KCNU1: variants seen among roughly 807,000 people sequenced by gnomAD.
The protein encoded by KCNU1 is potassium calcium-activated channel subfamily U member 1.
In KCNU1, 93 loss-of-function variants were observed where a neutral mutation model predicts 126.8. The observed-to-expected ratio is 0.73, with a 90% CI of 0.62 to 0.87. KCNU1 has a LOEUF of 0.87. Ranked by LOEUF, KCNU1 falls within the 40% of genes least tolerant of loss-of-function variation. KCNU1 has a pLI of 0.00. For missense variants in KCNU1, 1,330 were observed against 1,367.1 expected (o/e 0.97, Z 0.43); for synonymous variants, 523 against 494.2 (o/e 1.06, Z -0.77).
rs764885775 is a variant in KCNU1, at chr8:36,935,619, T to C, written c.3149T>C (p.Phe1050Ser). 9 of 1,613,196 alleles carry C rather than the reference T, an allele frequency of 5.6e-6. No individual in the cohort carries two copies. The South Asian group carries it at 8.8e-5, about 16-fold the overall frequency. The change falls in exon 27 of 27, where the codon TTC (phenylalanine) becomes TCC (serine). Residue 1050 changes from phenylalanine to serine, a missense_variant. Transcript: ENST00000399881. ...GCTTGTTATAAAAGGAATGAAGAGT[T>C]CTCATTGCAAAAGTCATATGAAATT... Reference protein sequence around the residue: ...STACYKRNEEFSLQKSYEIVN... With the variant: ...STACYKRNEESSLQKSYEIVN...
chr8:36,821,908 T>C (rs902796664), intron 10 of KCNU1, among the ~76,000 whole-genome samples: 1 of 152,094 alleles, frequency 6.6e-6, no homozygotes, highest in East Asian at 1.9e-4. Flanking sequence ...ATCTTTGAGG[T>C]AGGCCAGGCT....
chr8:36,876,561 G>A (rs530665302), intron 19 of KCNU1, among the ~76,000 whole-genome samples: 1 of 152,202 alleles, frequency 6.6e-6, no homozygotes, highest in South Asian at 2.1e-4. Flanking sequence ...TGGAGGTAGG[G>A]CAGGGTAGGC....
chr8:36,851,574 T>C (rs1056955367), intron 18 of KCNU1, among the ~76,000 whole-genome samples: 6 of 152,142 alleles, frequency 3.9e-5, no homozygotes, highest in African/African-American at 1.4e-4. Flanking sequence ...AGTGTGAAAA[T>C]TGATTAATAC....
At chr8:36,851,846 C>G (rs961397035) in intron 18 of KCNU1, among the ~76,000 whole-genome samples, 6 of 152,072 alleles carry the variant, frequency 3.9e-5, no homozygotes, top group African/African-American at 1.4e-4. Context: ...TTAGTTCTAA[C>G]AGTTTTTTGA....
chr8:36,913,098 A>G (rs1807951759), intron 22 of KCNU1, among the ~76,000 whole-genome samples: 1 of 151,932 alleles, frequency 6.6e-6, no homozygotes, highest in African/African-American at 2.4e-5. Flanking sequence ...TATTACTATT[A>G]TTGAAATTTC....
At chr8:36,840,627 A>AC in intron 15 of KCNU1, 52 bp downstream of exon 15, 1 of 1,046,982 alleles carries the variant, frequency 9.6e-7, no homozygotes, top group Non-Finnish European at 1.5e-6. Flanking sequence ...CATTCTTTCA[A>AC]CAACGTTCAC....
chr8:36,803,453 G>T (rs1487667417), intron 2 of KCNU1, among the ~76,000 whole-genome samples: 1 of 151,836 alleles, frequency 6.6e-6, no homozygotes, highest in East Asian at 1.9e-4. Context: ...TGCATTCCCC[G>T]AGATACCCTA....
intron 18 of KCNU1, among the ~76,000 whole-genome samples, chr8:36,857,712 C>A (rs1805578645): frequency 6.6e-6 from 1 of 151,966 alleles, no homozygotes. Flanking sequence ...ATGGCTTGAT[C>A]TTGGCTCATT....
intron 19 of KCNU1, among the ~76,000 whole-genome samples, chr8:36,904,896 C>T (rs1563326989): frequency 6.6e-6 from 1 of 152,044 alleles, no homozygotes; most frequent in African/African-American, 2.4e-5. Context: ...TTGTGTCAGG[C>T]CCTGGGGATG....
chr8:36,855,739 C>T (rs574961010), intron 18 of KCNU1, among the ~76,000 whole-genome samples: 6 of 152,146 alleles, frequency 3.9e-5, no homozygotes, highest in African/African-American at 1.2e-4. Context: ...CGGCCTATCT[C>T]GTGTCCTTCC....
intron 18 of KCNU1, among the ~76,000 whole-genome samples, chr8:36,858,815 T>G (rs1306341051): frequency 6.6e-6 from 1 of 152,234 alleles, no homozygotes; most frequent in Admixed American, 6.5e-5. Context: ...ATGTATTTTA[T>G]GATATCTAGG....
At chr8:36,820,441 G>A (rs1020204696) in intron 10 of KCNU1, among the ~76,000 whole-genome samples, 1 of 151,986 alleles carries the variant, frequency 6.6e-6, no homozygotes. Flanking sequence ...GGGTGATGGA[G>A]GAAGAACAGC....
At chr8:36,908,141 C>T (rs747651775) in intron 20 of KCNU1, among the ~76,000 whole-genome samples, 5 of 152,106 alleles carry the variant, frequency 3.3e-5, no homozygotes, top group Non-Finnish European at 7.4e-5. Flanking sequence ...TAAGAGGAGA[C>T]ATTAGCCATA....
In KCNU1 at chr8:36,910,862, C is replaced by A. The variant is rs1012293952; in HGVS notation, c.2332-68C>A. The A allele has an allele frequency of 2.2e-5, 25 of 1,131,778 alleles. No individual in the cohort carries two copies. The African/African-American group carries it at 3.1e-4, about 14-fold the overall frequency. The allele number at this position is 1,131,778 out of a possible 1,614,324, so 70.1% of individuals were successfully genotyped here. A position where few individuals can be genotyped will look rare whatever the true frequency, so the allele number is the denominator to read the frequency against. On this transcript the variant is annotated intron_variant, in intron 21 of 26. Coordinates refer to ENST00000399881, the MANE Select transcript of KCNU1 (RefSeq NM_001031836.3). ...AAATTACATCACTCACAAAGAGCCA[C>A]CACCATGAGCCATGATATAACATCC... is the stretch of plus-strand genomic sequence containing the variant.
chr8:36,895,591 T>C (rs898073733), intron 19 of KCNU1, among the ~76,000 whole-genome samples: 36 of 152,144 alleles, frequency 2.4e-4, no homozygotes, highest in African/African-American at 8.2e-4. Flanking sequence ...CAATTATCAA[T>C]CTTTGAATCA....
chr8:36,855,115 G>T, intron 18 of KCNU1, among the ~76,000 whole-genome samples: 1 of 152,080 alleles, frequency 6.6e-6, no homozygotes, highest in East Asian at 1.9e-4. Context: ...AGAGATGAGA[G>T]CTTTGGAACT....
chr8:36,861,628 T>A (rs1262078478), intron 18 of KCNU1, among the ~76,000 whole-genome samples: 2 of 152,206 alleles, frequency 1.3e-5, no homozygotes, highest in Non-Finnish European at 2.9e-5. Flanking sequence ...TTTAGGAATG[T>A]CACAATGAGT....
chr8:36,836,400 T>A, intron 13 of KCNU1, 35 bp downstream of exon 13: 4 of 1,382,530 alleles, frequency 2.9e-6, no homozygotes, highest in Non-Finnish European at 4.1e-6. Flanking sequence ...CATCTCCTCC[T>A]TTTATCTATA....
At chr8:36,845,503 C>G (rs755329201) in intron 16 of KCNU1, 77 bp from the exon 17 acceptor site, 1 of 792,930 alleles carries the variant, frequency 1.3e-6, no homozygotes, top group Non-Finnish European at 2.1e-6. Flanking sequence ...ATCCATTGAT[C>G]ATAACAGAAA....
Sources: gnomAD v4.1 joint callset for allele counts (sites outside exome capture counted in the v4.1 genomes callset) on GRCh38, gnomAD v4.1.1 for gene constraint, MANE v1.5 for transcripts, NCBI Gene and HGNC (gene_info 2026-07-23, HGNC 2026-07-21) for gene names.